The following UVRAG variants were observed in gnomAD, a reference collection of about 807,000 sequenced individuals.
The protein encoded by UVRAG is UV radiation resistance-associated gene protein.
A neutral mutation model predicts 78.0 loss-of-function variants in UVRAG; 19 were observed. The ratio of observed to expected loss-of-function variants is 0.24; its 90% confidence interval spans 0.17 to 0.36. The LOEUF (loss-of-function observed/expected upper bound fraction) is 0.36. Among genes scored for constraint, UVRAG ranks in the 10% least tolerant of loss-of-function variants. UVRAG has a pLI of 1.00. For synonymous variants in UVRAG, 323 were observed against 324.6 expected (o/e 1.00, Z 0.05); for missense variants, 740 against 853.8 (o/e 0.87, Z 1.66).
At chr11:76,055,441 G>C (rs1476064137) in intron 12 of UVRAG, among the ~76,000 whole-genome samples, 1 of 152,134 alleles carries the variant, frequency 6.6e-6, no homozygotes, top group Non-Finnish European at 1.5e-5. Context: ...TAAACATACA[G>C]AAAAGTTGAA....
At chr11:76,026,534 A>G (rs960351579) in intron 12 of UVRAG, among the ~76,000 whole-genome samples, 2 of 152,182 alleles carry the variant, frequency 1.3e-5, no homozygotes, top group Non-Finnish European at 2.9e-5. Flanking sequence ...GCTTAGGCTT[A>G]AATGCTATGG....
rs1438990332 is a variant in UVRAG, at chr11:75,911,923, T to A, written c.508-31T>A. On this transcript the variant is annotated intron_variant, in intron 5 of 14. Transcript: ENST00000356136. ...GTGCATATATTTTATTTTGTTTGGTTTTGATTAATTTGTTGGTTAATGTCT... is the reference window on the plus strand; with the variant it reads ...GTGCATATATTTTATTTTGTTTGGTATTGATTAATTTGTTGGTTAATGTCT... The A allele has an allele frequency of 2.1e-6, 3 of 1,439,526 alleles. No individual in the cohort carries two copies. In the Admixed American group the frequency reaches 5.3e-5, roughly 25 times the overall value. 89.2% of individuals were successfully genotyped at this position (1,439,526 alleles called of 1,614,324 possible). A position where few individuals can be genotyped will look rare whatever the true frequency, so the allele number is the denominator to read the frequency against.
intron 12 of UVRAG, among the ~76,000 whole-genome samples, chr11:76,062,763 A>G (rs1269545327): frequency 6.6e-6 from 1 of 152,194 alleles, no homozygotes; most frequent in Non-Finnish European, 1.5e-5. Context: ...ATTTTAAATA[A>G]CAATAATACT....
intron 6 of UVRAG, among the ~76,000 whole-genome samples, chr11:75,919,706 TACTC>T (rs746327078): frequency 3.2e-4 from 49 of 152,296 alleles, no homozygotes; most frequent in Admixed American, 3.9e-4. Context: ...TAACTCAAGT[TACTC>T]ACGAGAATTA....
At position 76,059,877 on chromosome 11, in the gene UVRAG, T is replaced by C. The variant is rs370549505; in HGVS notation, c.1227-5833T>C. Among the ~76,000 whole-genome samples the C allele has an allele frequency of 8.5e-5, 13 of 152,382 alleles. No individual in the cohort carries two copies. In the East Asian group the frequency reaches 1.9e-3, roughly 23 times the overall value. On this transcript the variant is annotated intron_variant, in intron 12 of 14. Transcript: ENST00000356136. ...CTCAGAATATATTGAGTCCATGTTG[T>C]CACATTTTCTATAAATACGAATGGC...
intron 1 of UVRAG, among the ~76,000 whole-genome samples, chr11:75,828,217 A>G (rs1390052660): frequency 6.6e-6 from 1 of 152,096 alleles, no homozygotes; most frequent in Non-Finnish European, 1.5e-5. Flanking sequence ...TTTATTCTAC[A>G]TGGAGTGTGT....
chr11:75,858,447 A>T (rs141275987), intron 2 of UVRAG, among the ~76,000 whole-genome samples: 80 of 151,960 alleles, frequency 5.3e-4, no homozygotes, highest in African/African-American at 1.9e-3. Flanking sequence ...GCATCCCTGT[A>T]TTTTGTTTTT....
At chr11:75,915,540 C>T (rs1335007728) in intron 6 of UVRAG, among the ~76,000 whole-genome samples, 2 of 152,086 alleles carry the variant, frequency 1.3e-5, no homozygotes, top group African/African-American at 4.8e-5. Context: ...TTTTAGGGTG[C>T]TCACCACAAG....
intron 13 of UVRAG, among the ~76,000 whole-genome samples, chr11:76,091,728 G>A (rs1361282287): frequency 6.6e-6 from 1 of 151,868 alleles, no homozygotes; most frequent in African/African-American, 2.4e-5. Context: ...TTCCACTTGA[G>A]CATATTAATG....
chr11:75,996,051 G>A lies in UVRAG; in HGVS notation c.827-7954G>A, dbSNP rs115092084. Among the ~76,000 whole-genome samples, 1,316 of 152,104 alleles carry A rather than the reference G, an allele frequency of 8.7e-3. 25 individuals carry two copies. Among genetic ancestry groups the A allele is most frequent in the African/African-American group, 0.03 (1,253 of 41,484 alleles). On this transcript the variant is annotated intron_variant, in intron 8 of 14. Coordinates refer to ENST00000356136, the MANE Select transcript of UVRAG (RefSeq NM_003369.4). ...TGAGCAAACTTCTGATTTTATTTCA[G>A]TTTCCATGTAAGTATAGTAATTTAT... is the stretch of plus-strand genomic sequence containing the variant.
chr11:76,020,070 C>A (rs1950215242), intron 12 of UVRAG, among the ~76,000 whole-genome samples: 1 of 152,152 alleles, frequency 6.6e-6, no homozygotes, highest in Non-Finnish European at 1.5e-5. Context: ...CCACTTTTCC[C>A]TCTCCTTATT....
At chr11:76,138,118 A>G (rs1020714946) in intron 14 of UVRAG, among the ~76,000 whole-genome samples, 2 of 152,206 alleles carry the variant, frequency 1.3e-5, no homozygotes, top group Admixed American at 1.3e-4. Context: ...AAGAGGAATA[A>G]CATTACCATC....
intron 1 of UVRAG, among the ~76,000 whole-genome samples, chr11:75,821,729 A>C (rs1404115882): frequency 6.6e-6 from 1 of 151,946 alleles, no homozygotes. Context: ...GCCTCCTCTT[A>C]GCTGTGGCAG....
chr11:75,867,354 G>A (rs888259740), intron 3 of UVRAG, among the ~76,000 whole-genome samples: 1 of 152,066 alleles, frequency 6.6e-6, no homozygotes, highest in African/African-American at 2.4e-5. Context: ...AACACCATAG[G>A]TTAATTTTAC....
chr11:75,900,098 T>G (rs982165974), intron 5 of UVRAG, among the ~76,000 whole-genome samples: 4 of 152,220 alleles, frequency 2.6e-5, no homozygotes, highest in Admixed American at 2.6e-4. Flanking sequence ...AGCACAATTT[T>G]TGAGCTTTTG....
chr11:75,842,632 G>A (rs1334900207), intron 1 of UVRAG, among the ~76,000 whole-genome samples: 1 of 152,012 alleles, frequency 6.6e-6, no homozygotes, highest in Non-Finnish European at 1.5e-5. Flanking sequence ...AGTAGAGACA[G>A]GGTTTCACCA....
chr11:76,062,848 C>G (rs1951119756), intron 12 of UVRAG, among the ~76,000 whole-genome samples: 1 of 152,086 alleles, frequency 6.6e-6, no homozygotes, highest in African/African-American at 2.4e-5. Flanking sequence ...GAAACATAAC[C>G]TTTAAGTAAG....
intron 3 of UVRAG, among the ~76,000 whole-genome samples, chr11:75,866,517 C>A (rs1946544807): frequency 6.6e-6 from 1 of 151,974 alleles, no homozygotes; most frequent in Admixed American, 6.6e-5. Flanking sequence ...CACTGCACTC[C>A]AGCTTGGGCG....
At chr11:75,962,502 T>A (rs1174320683) in intron 7 of UVRAG, among the ~76,000 whole-genome samples, 1 of 152,176 alleles carries the variant, frequency 6.6e-6, no homozygotes, top group Non-Finnish European at 1.5e-5. Flanking sequence ...CAGTTGCTGA[T>A]TTTCTAGCTA....
Sources: allele counts gnomAD v4.1 joint callset (sites outside exome capture counted in the v4.1 genomes callset), GRCh38; gene constraint gnomAD v4.1.1; transcripts MANE v1.5; gene names NCBI Gene and HGNC (gene_info 2026-07-23, HGNC 2026-07-21).